CHRM3: variants seen among roughly 807,000 people sequenced by gnomAD.
CHRM3 encodes the protein cholinergic receptor muscarinic 3, also known as muscarinic acetylcholine receptor M3.
Under a neutral mutation model 41.8 loss-of-function variants are expected in CHRM3, and 11 were observed. That is an observed-to-expected ratio of 0.26 (90% CI 0.17 to 0.44). The LOEUF (loss-of-function observed/expected upper bound fraction) is 0.44, where lower values mean the gene tolerates loss of function less well. Among genes scored for constraint, CHRM3 ranks in the 20% least tolerant of loss-of-function variants. The pLI is 1.00. For missense variants in CHRM3, 571 were observed against 745.4 expected (o/e 0.77, Z 2.72); for synonymous variants, 297 against 301.4 (o/e 0.99, Z 0.15).
chr1:239,821,689 A>C (rs887985317), intron 5 of CHRM3, among the ~76,000 whole-genome samples: 4 of 152,208 alleles, frequency 2.6e-5, no homozygotes, highest in Admixed American at 6.5e-5. Flanking sequence ...ATTTAGCTGG[A>C]ACAGAATTTC....
intron 5 of CHRM3, among the ~76,000 whole-genome samples, chr1:239,767,334 T>C (rs1400922085): frequency 6.6e-6 from 1 of 152,132 alleles, no homozygotes; most frequent in Non-Finnish European, 1.5e-5. Flanking sequence ...GAAATTCCAA[T>C]TCTGAGTCCT....
intron 1 of CHRM3, among the ~76,000 whole-genome samples, chr1:239,402,064 C>T (rs1660025780): frequency 1.3e-5 from 2 of 152,074 alleles, no homozygotes; most frequent in South Asian, 2.1e-4. Context: ...TGTCAAACCC[C>T]CTCCCAAGTG....
At chr1:239,741,156 C>T (rs969745674) in intron 5 of CHRM3, among the ~76,000 whole-genome samples, 9 of 152,186 alleles carry the variant, frequency 5.9e-5, no homozygotes, top group African/African-American at 2.2e-4. Flanking sequence ...TTTTATATGA[C>T]ATGGGAACCT....
chr1:239,470,682 A>G (rs1393060436), intron 1 of CHRM3, among the ~76,000 whole-genome samples: 1 of 152,196 alleles, frequency 6.6e-6, no homozygotes, highest in African/African-American at 2.4e-5. Context: ...CTCAGTGCCT[A>G]CTGGCCACAT....
intron 6 of CHRM3, among the ~76,000 whole-genome samples, chr1:239,880,858 G>A (rs572434789): frequency 2.6e-5 from 4 of 152,148 alleles, no homozygotes; most frequent in Admixed American, 2.0e-4. Context: ...GGCCATTTAC[G>A]TTTGGCAGGC....
intron 1 of CHRM3, among the ~76,000 whole-genome samples, chr1:239,419,777 T>C (rs956893273): frequency 2.0e-5 from 3 of 152,186 alleles, no homozygotes; most frequent in African/African-American, 7.2e-5. Context: ...ACCTTCAGCC[T>C]TTTCCCTGTA....
chr1:239,595,394 A>AC (rs1664671157), intron 3 of CHRM3, among the ~76,000 whole-genome samples: 1 of 152,134 alleles, frequency 6.6e-6, no homozygotes, highest in Non-Finnish European at 1.5e-5. Flanking sequence ...GAGTAACTGA[A>AC]AGAAGAGTGT....
intron 3 of CHRM3, among the ~76,000 whole-genome samples, chr1:239,613,160 T>C (rs1203854660): frequency 6.6e-6 from 1 of 152,168 alleles, no homozygotes; most frequent in African/African-American, 2.4e-5. Flanking sequence ...TAGGAGGACC[T>C]AAGCAGCGAA....
At chr1:239,618,616 G>A (rs578070601) in intron 3 of CHRM3, among the ~76,000 whole-genome samples, 21 of 151,622 alleles carry the variant, frequency 1.4e-4, no homozygotes, top group Admixed American at 3.9e-4. Flanking sequence ...AGGCCAAGGC[G>A]GTCGGATCAC....
chr1:239,683,054 C>T (rs1658723504), intron 5 of CHRM3, among the ~76,000 whole-genome samples: 1 of 152,056 alleles, frequency 6.6e-6, no homozygotes, highest in African/African-American at 2.4e-5. Context: ...CACAGTCACC[C>T]TACTGTGTTA....
At chr1:239,589,800 T>A (rs1663905532) in intron 3 of CHRM3, among the ~76,000 whole-genome samples, 1 of 150,910 alleles carries the variant, frequency 6.6e-6, no homozygotes, top group Admixed American at 6.6e-5. Flanking sequence ...GTTTTATATA[T>A]ATAGTTTTTT....
intron 3 of CHRM3, among the ~76,000 whole-genome samples, chr1:239,594,731 G>A (rs1664592571): frequency 6.6e-6 from 1 of 152,172 alleles, no homozygotes; most frequent in Non-Finnish European, 1.5e-5. Context: ...TTTAAGAAAG[G>A]TAATATAGTA....
intron 5 of CHRM3, among the ~76,000 whole-genome samples, chr1:239,711,995 T>A (rs112738406): frequency 0.013 from 1,956 of 152,268 alleles, 54 homozygotes; most frequent in African/African-American, 0.045. Flanking sequence ...CCCCCCAGGC[T>A]TAGATGCCTT....
Position 239,850,826 on chromosome 1 carries a change from G to A in CHRM3, c.-20+23448G>A, listed in dbSNP as rs375583206. The stretch of plus-strand genomic sequence containing the variant: ...CGTGTTTTCTTCTTCCGCCATGACT[G>A]TAAGTTTCCTGAGGCCTTCCCAGCC... On this transcript the variant is annotated intron_variant, in intron 6 of 6. Transcript: ENST00000676153. 1.2e-4 allele frequency among the ~76,000 whole-genome samples: 19 copies of A among 152,254 alleles called. No homozygotes were observed. The East Asian group carries it at 1.4e-3, about 11-fold the overall frequency.
At chr1:239,672,642 G>A (rs1401714585) in intron 4 of CHRM3, among the ~76,000 whole-genome samples, 2 of 150,938 alleles carry the variant, frequency 1.3e-5, no homozygotes, top group Non-Finnish European at 2.9e-5. Flanking sequence ...AAAGGGGTAG[G>A]GGAGAAAGAA....
chr1:239,591,213 G>T (rs555188291), intron 3 of CHRM3, among the ~76,000 whole-genome samples: 1 of 152,052 alleles, frequency 6.6e-6, no homozygotes, highest in Admixed American at 6.6e-5. Context: ...TGACAATTCC[G>T]CCTCTATAAA....
chr1:239,595,822 C>T (rs537927865), intron 3 of CHRM3, among the ~76,000 whole-genome samples: 1 of 152,204 alleles, frequency 6.6e-6, no homozygotes, highest in East Asian at 1.9e-4. Flanking sequence ...CAAAATATAG[C>T]TCCATTTTTT....
intron 6 of CHRM3, among the ~76,000 whole-genome samples, chr1:239,834,523 C>T (rs1673158502): frequency 6.6e-6 from 1 of 152,020 alleles, no homozygotes; most frequent in African/African-American, 2.4e-5. Context: ...TAAGCAATCC[C>T]GAAAGCATTC....
intron 5 of CHRM3, among the ~76,000 whole-genome samples, chr1:239,807,454 C>T (rs1670744135): frequency 6.6e-6 from 1 of 152,072 alleles, no homozygotes; most frequent in Admixed American, 6.5e-5. Flanking sequence ...GGCATTAAGC[C>T]CATAAATAGG....
Sources: gnomAD v4.1 joint callset for allele counts (sites outside exome capture counted in the v4.1 genomes callset) on GRCh38, gnomAD v4.1.1 for gene constraint, MANE v1.5 for transcripts, NCBI Gene and HGNC (gene_info 2026-07-23, HGNC 2026-07-21) for gene names.